Variants in KRT8 observed in about 807,000 individuals in gnomAD.
KRT8 encodes the protein keratin 8.
In KRT8, 24 loss-of-function variants were observed where a neutral mutation model predicts 43.0. That is an observed-to-expected ratio of 0.56 (90% CI 0.40 to 0.78). KRT8 has a LOEUF of 0.78. Among genes scored for constraint, KRT8 ranks in the 30% least tolerant of loss-of-function variants. The pLI is 0.00. For missense variants in KRT8, 492 were observed against 638.4 expected, an observed-to-expected ratio of 0.77 and a Z score of 2.47; for synonymous variants, 214 against 261.2, an observed-to-expected ratio of 0.82 and a Z score of 1.74.
intron 7 of KRT8, among the ~76,000 whole-genome samples, chr12:52,898,237 C>A (rs371090785): frequency 6.6e-6 from 1 of 152,180 alleles, no homozygotes; most frequent in African/African-American, 2.4e-5. Flanking sequence ...CAGTGCCTGG[C>A]ACACAGCTAT....
At chr12:52,904,910 G>A in exon 1 of KRT8, 1 of 1,612,722 alleles carries the variant, frequency 6.2e-7, no homozygotes, top group South Asian at 1.1e-5. Flanking sequence ...CACTCGTGTA[G>A]GAGCGGCTGC....
chr12:52,901,742 C>A, intron 2 of KRT8, 122 bp downstream of exon 2: 1 of 750,764 alleles, frequency 1.3e-6, no homozygotes, highest in South Asian at 1.4e-5. Flanking sequence ...ATCAGGTGGT[C>A]ACCCTAATTA....
At chr12:52,903,416 A>G (rs553997228) in intron 1 of KRT8, 17 of 152,304 alleles carry the variant, frequency 1.1e-4, no homozygotes, top group Middle Eastern at 3.4e-3. Context: ...GCAGTCAACA[A>G]GTCAAGTCCA....
intron 2 of KRT8, chr12:52,947,202 C>T (rs529473054): frequency 6.6e-6 from 1 of 152,436 alleles, no homozygotes; most frequent in South Asian, 2.1e-4. Context: ...GGTCATTCAG[C>T]TTCAGGGGGC....
At chr12:52,940,348 G>A (rs1205134328) in intron 2 of KRT8, among the ~76,000 whole-genome samples, 4 of 150,106 alleles carry the variant, frequency 2.7e-5, no homozygotes, top group Admixed American at 1.3e-4. Flanking sequence ...CAGGAGAATC[G>A]CTTGAACCTG....
intron 1 of KRT8, among the ~76,000 whole-genome samples, chr12:52,902,737 C>A (rs989589504): frequency 6.6e-6 from 1 of 151,592 alleles, no homozygotes. Context: ...AGAGGCCGGG[C>A]GTGGAGGCTC....
chr12:52,948,858 T>A, intron 2 of KRT8: 1 of 420,952 alleles, frequency 2.4e-6, no homozygotes, highest in Non-Finnish European at 4.1e-6. Context: ...TAACGTCATT[T>A]CCTGCCCTGA....
intron 2 of KRT8, among the ~76,000 whole-genome samples, chr12:52,939,642 A>C (rs1942234379): frequency 1.3e-5 from 2 of 151,974 alleles, no homozygotes; most frequent in Admixed American, 6.6e-5. Context: ...GAATCACTTG[A>C]ACCCTGGAAG....
intron 2 of KRT8, among the ~76,000 whole-genome samples, chr12:52,917,321 G>A (rs1941759696): frequency 6.6e-6 from 1 of 151,542 alleles, no homozygotes; most frequent in South Asian, 2.1e-4. Flanking sequence ...AGAATTGCTT[G>A]AACCCAGGAG....
chr12:52,938,136 C>CTATACATATATATATA (rs1555189938), intron 2 of KRT8, among the ~76,000 whole-genome samples: 39 of 44,046 alleles, frequency 8.9e-4, no homozygotes, highest in African/African-American at 3.1e-3. Context: ...CACTAGAAAG[C>CTATACATATATATATA]TATATATATA....
At chr12:52,908,099 G>C (rs961958786), upstream of KRT8, among the ~76,000 whole-genome samples, 3 of 152,244 alleles carry the variant, frequency 2.0e-5, no homozygotes, top group African/African-American at 7.2e-5. Flanking sequence ...CCCTACTTCT[G>C]ATGGTGCAGG....
intron 1 of KRT8, among the ~76,000 whole-genome samples, chr12:52,902,530 C>A (rs1941397951): frequency 6.6e-6 from 1 of 152,058 alleles, no homozygotes; most frequent in East Asian, 2.0e-4. Flanking sequence ...GCTACAGGCA[C>A]CTGCCTGCCA....
chr12:52,939,265 G>A (rs1176859273), intron 2 of KRT8, among the ~76,000 whole-genome samples: 2 of 152,002 alleles, frequency 1.3e-5, no homozygotes, highest in African/African-American at 4.8e-5. Context: ...CAGCACTTTG[G>A]GAGACTGAGG....
At chr12:52,901,720 C>A in intron 2 of KRT8, 144 bp downstream of exon 2, 1 of 689,010 alleles carries the variant, frequency 1.5e-6, no homozygotes, top group Non-Finnish European at 2.7e-6. Context: ...CAGACTGTTC[C>A]GAGCAAACCT....
At chr12:52,949,723 C>A in exon 1 of KRT8, 1 of 826,496 alleles carries the variant, frequency 1.2e-6, no homozygotes, top group Non-Finnish European at 2.1e-6. Flanking sequence ...ACCTGGATTT[C>A]CATCCGCGCA....
intron 2 of KRT8, chr12:52,946,608 C>A (rs192205269): frequency 6.6e-6 from 1 of 152,152 alleles, no homozygotes; most frequent in Non-Finnish European, 1.5e-5. Flanking sequence ...AAAGGCAGTA[C>A]GTAGCTTGTT....
chr12:52,932,096 T>C (rs1395372390), intron 2 of KRT8, among the ~76,000 whole-genome samples: 1 of 149,718 alleles, frequency 6.7e-6, no homozygotes, highest in East Asian at 1.9e-4. Flanking sequence ...ATCATTCTTT[T>C]TTTTTTTTTT....
intron 2 of KRT8, among the ~76,000 whole-genome samples, chr12:52,919,703 G>C (rs1941846558): frequency 6.6e-6 from 1 of 151,764 alleles, no homozygotes; most frequent in African/African-American, 2.4e-5. Context: ...CTGGAGTGCA[G>C]TGGCACGATC....
At chr12:52,936,512 T>G (rs1302675690) in intron 2 of KRT8, among the ~76,000 whole-genome samples, 5 of 151,988 alleles carry the variant, frequency 3.3e-5, no homozygotes, top group Non-Finnish European at 7.4e-5. Context: ...TTCTGTTGTT[T>G]TTGTTGTTGT....
Sources: allele counts gnomAD v4.1 joint callset (sites outside exome capture counted in the v4.1 genomes callset), GRCh38; gene constraint gnomAD v4.1.1; transcripts MANE v1.5; gene names NCBI Gene and HGNC (gene_info 2026-07-23, HGNC 2026-07-21).